IL1RAPL1: variants seen among roughly 807,000 people sequenced by gnomAD.
IL1RAPL1 encodes the protein interleukin 1 receptor accessory protein like 1, also known as interleukin-1 receptor accessory protein-like 1.
In IL1RAPL1, 3 loss-of-function variants were observed where a neutral mutation model predicts 48.4. The ratio of observed to expected loss-of-function variants is 0.06; its 90% CI spans 0.03 to 0.16. The LOEUF is 0.16. IL1RAPL1 is among the 10% of genes least tolerant of loss of function. IL1RAPL1 has a pLI of 1.00. For missense variants in IL1RAPL1, 349 were observed against 530.6 expected, an observed-to-expected ratio of 0.66 and a Z score of 3.36; for synonymous variants, 185 against 187.7, an observed-to-expected ratio of 0.99 and a Z score of 0.12.
chrX:28,955,021 A>T (rs1402431044), intron 2 of IL1RAPL1, among the ~76,000 whole-genome samples: 1 of 112,117 alleles, frequency 8.9e-6, no homozygotes, highest in Non-Finnish European at 1.9e-5. Context: ...TAACCTATTC[A>T]TGATGTGAAA....
chrX:28,740,161 A>G (rs1208735780), intron 1 of IL1RAPL1, among the ~76,000 whole-genome samples: 1 of 111,878 alleles, frequency 8.9e-6, no homozygotes, highest in Non-Finnish European at 1.9e-5. Context: ...TAAATCCAAT[A>G]AACCCAGGAT....
chrX:28,765,304 A>G (rs1489672392), intron 1 of IL1RAPL1, among the ~76,000 whole-genome samples: 1 of 111,707 alleles, frequency 9.0e-6, no homozygotes, highest in Admixed American at 9.6e-5. Flanking sequence ...AAGTATAAAA[A>G]AAAAATTCTT....
intron 2 of IL1RAPL1, among the ~76,000 whole-genome samples, chrX:28,983,323 T>C (rs1382597204): frequency 8.9e-6 from 1 of 112,091 alleles, no homozygotes; most frequent in African/African-American, 3.2e-5. Flanking sequence ...CTAGGATTTT[T>C]ATCTCTTCCC....
At chrX:28,615,824 G>C (rs1417925714) in intron 1 of IL1RAPL1, among the ~76,000 whole-genome samples, 1 of 112,020 alleles carries the variant, frequency 8.9e-6, no homozygotes, top group Admixed American at 9.5e-5. Context: ...AGGAAGAATG[G>C]AGAGTCACAC....
At chrX:29,318,413 G>A (rs1346204628) in intron 3 of IL1RAPL1, among the ~76,000 whole-genome samples, 6 of 112,376 alleles carry the variant, frequency 5.3e-5, no homozygotes, top group South Asian at 3.6e-4. Flanking sequence ...ATTTGATGAC[G>A]CATTTTCCCT....
chrX:29,302,700 A>G lies in IL1RAPL1; in HGVS notation c.362+19483A>G, dbSNP rs138267254. 3.8e-3 allele frequency among the ~76,000 whole-genome samples: 423 copies of G among 111,154 alleles called. 2 individuals carry two copies. Among genetic ancestry groups the G allele is most frequent in the Non-Finnish European group, 4.7e-3 (251 of 53,007 alleles). On this transcript the variant is annotated intron_variant, in intron 3 of 10. Coordinates refer to ENST00000378993, the MANE Select transcript of IL1RAPL1 (RefSeq NM_014271.4). ...AAACTTTAATCAGATGGATGACAAAAATTGGATTTGAGTTTTGGGGCGGTC... is the reference window on the plus strand; with the variant it reads ...AAACTTTAATCAGATGGATGACAAAGATTGGATTTGAGTTTTGGGGCGGTC...
intron 6 of IL1RAPL1, among the ~76,000 whole-genome samples, chrX:29,882,135 A>G (rs1451609422): frequency 1.8e-5 from 2 of 111,962 alleles, no homozygotes; most frequent in Non-Finnish European, 3.8e-5. Context: ...ATTCTCACCA[A>G]GAAACAGCCT....
intron 3 of IL1RAPL1, among the ~76,000 whole-genome samples, chrX:29,385,380 G>A (rs1933762101): frequency 8.9e-6 from 1 of 112,363 alleles, no homozygotes; most frequent in African/African-American, 3.2e-5. Context: ...CTTGAACCTG[G>A]GAGGCGGAGG....
chrX:29,423,257 G>A (rs768187177), intron 5 of IL1RAPL1, among the ~76,000 whole-genome samples: 43 of 111,952 alleles, frequency 3.8e-4, no homozygotes, highest in African/African-American at 1.3e-3. Context: ...ATGGCTTCAA[G>A]TTGTCCTGCC....
intron 2 of IL1RAPL1, among the ~76,000 whole-genome samples, chrX:28,804,846 G>A (rs1182768382): frequency 1.8e-5 from 2 of 111,157 alleles, no homozygotes; most frequent in African/African-American, 3.3e-5. Flanking sequence ...CAATCACAGT[G>A]GTATATTAGA....
At chrX:28,681,955 C>G (rs746958189) in intron 1 of IL1RAPL1, among the ~76,000 whole-genome samples, 2 of 111,816 alleles carry the variant, frequency 1.8e-5, no homozygotes, top group East Asian at 5.7e-4. Flanking sequence ...TCTTCATTTC[C>G]CTCTTGCTAG....
intron 1 of IL1RAPL1, among the ~76,000 whole-genome samples, chrX:28,686,766 A>G (rs196995): frequency 0.019 from 2,078 of 111,774 alleles, 21 homozygotes; most frequent in Non-Finnish European, 0.029. Context: ...TTTGACTCAG[A>G]TTTTCTCCTC....
intron 1 of IL1RAPL1, among the ~76,000 whole-genome samples, chrX:28,724,947 T>A (rs1935646286): frequency 9.3e-6 from 1 of 107,036 alleles, no homozygotes; most frequent in Non-Finnish European, 1.9e-5. Flanking sequence ...CCAACTCAAT[T>A]TGTTTTTTTT....
At chrX:29,167,071 G>T (rs1293101859) in intron 2 of IL1RAPL1, among the ~76,000 whole-genome samples, 1 of 111,650 alleles carries the variant, frequency 9.0e-6, no homozygotes, top group East Asian at 2.8e-4. Flanking sequence ...TGAATTTATT[G>T]TTAAATTTTA....
At chrX:29,945,411 C>T (rs774232485) in intron 9 of IL1RAPL1, among the ~76,000 whole-genome samples, 1 of 112,477 alleles carries the variant, frequency 8.9e-6, no homozygotes, top group South Asian at 3.6e-4. Context: ...CTGAGTATTG[C>T]CTTCTTTATT....
intron 5 of IL1RAPL1, among the ~76,000 whole-genome samples, chrX:29,595,772 G>A (rs760726853): frequency 7.9e-4 from 88 of 111,514 alleles, no homozygotes; most frequent in Middle Eastern, 4.7e-3. Context: ...TGTTTTTGTT[G>A]CATTTGCTTT....
chrX:29,298,490 C>T (rs1932482138), intron 3 of IL1RAPL1, among the ~76,000 whole-genome samples: 1 of 111,995 alleles, frequency 8.9e-6, no homozygotes, highest in Non-Finnish European at 1.9e-5. Context: ...CCTCAACTTT[C>T]ACATGTACTC....
At chrX:29,274,599 G>A (rs924888328) in intron 2 of IL1RAPL1, among the ~76,000 whole-genome samples, 3 of 112,168 alleles carry the variant, frequency 2.7e-5, no homozygotes, top group African/African-American at 6.5e-5. Context: ...TCTAATGCCA[G>A]GGGCTTGAAT....
chrX:28,604,254 A>G (rs1934059515), intron 1 of IL1RAPL1, among the ~76,000 whole-genome samples: 1 of 111,474 alleles, frequency 9.0e-6, no homozygotes, highest in South Asian at 3.8e-4. Context: ...TCCCAATTGC[A>G]GAAGACATCA....
Sources: gnomAD v4.1 joint callset for allele counts (sites outside exome capture counted in the v4.1 genomes callset) on GRCh38, gnomAD v4.1.1 for gene constraint, MANE v1.5 for transcripts, NCBI Gene and HGNC (gene_info 2026-07-23, HGNC 2026-07-21) for gene names.